ABHD17C: variants seen among roughly 807,000 people sequenced by gnomAD.
The protein encoded by ABHD17C is alpha/beta hydrolase domain-containing protein 17C.
In ABHD17C, 11 loss-of-function variants were observed where a neutral mutation model predicts 27.9. That is an observed-to-expected ratio of 0.39 (90% confidence interval 0.25 to 0.65). The LOEUF (loss-of-function observed/expected upper bound fraction) is 0.65. Ranked by LOEUF, ABHD17C falls within the 30% of genes least tolerant of loss-of-function variation. The probability of loss-of-function intolerance (pLI) is 0.45; values close to 1 mark genes in which losing one functional copy is unlikely to be tolerated. For synonymous variants in ABHD17C, 233 were observed against 209.1 expected (o/e 1.11, Z -0.98); for missense variants, 280 against 470.2 (o/e 0.60, Z 3.74).
intron 1 of ABHD17C, among the ~76,000 whole-genome samples, chr15:80,700,884 G>T (rs968488724): frequency 5.3e-5 from 8 of 152,160 alleles, no homozygotes; most frequent in African/African-American, 1.9e-4. Flanking sequence ...CTGGGCAACA[G>T]AGTGAGATCC....
chr15:80,745,142 G>A (rs1431873340), intron 1 of ABHD17C, among the ~76,000 whole-genome samples: 1 of 152,164 alleles, frequency 6.6e-6, no homozygotes, highest in African/African-American at 2.4e-5. Context: ...CACTTGTGGT[G>A]TGACATAGAC....
chr15:80,716,996 G>T (rs534811856), intron 1 of ABHD17C, among the ~76,000 whole-genome samples: 7 of 152,216 alleles, frequency 4.6e-5, no homozygotes, highest in African/African-American at 1.7e-4. Context: ...GCTTAAAGAT[G>T]AACAAATAGC....
chr15:80,735,197 A>C (rs1357452403), intron 1 of ABHD17C, among the ~76,000 whole-genome samples: 1 of 152,198 alleles, frequency 6.6e-6, no homozygotes, highest in Non-Finnish European at 1.5e-5. Flanking sequence ...ATTAACCCTG[A>C]GAGGTTAACC....
chr15:80,735,508 G>A (rs979877873), intron 1 of ABHD17C, among the ~76,000 whole-genome samples: 6 of 152,000 alleles, frequency 3.9e-5, no homozygotes, highest in Admixed American at 6.6e-5. Flanking sequence ...CCACCTTGTC[G>A]GATCTTGTGT....
intron 1 of ABHD17C, among the ~76,000 whole-genome samples, chr15:80,715,476 A>C (rs1444875390): frequency 6.6e-6 from 1 of 152,216 alleles, no homozygotes; most frequent in Non-Finnish European, 1.5e-5. Flanking sequence ...AATTGTGAAT[A>C]TAGTAGGATT....
At chr15:80,698,088 G>A (rs1193656309) in intron 1 of ABHD17C, among the ~76,000 whole-genome samples, 6 of 135,442 alleles carry the variant, frequency 4.4e-5, no homozygotes, top group Non-Finnish European at 7.6e-5. Flanking sequence ...TTTTTGAGAC[G>A]GAGTCTTGCT....
chr15:80,703,783 A>G (rs866406416), intron 1 of ABHD17C, among the ~76,000 whole-genome samples: 4 of 152,204 alleles, frequency 2.6e-5, no homozygotes, highest in Non-Finnish European at 5.9e-5. Context: ...AAGATTTTTT[A>G]TACATTTATA....
chr15:80,713,351 GTTC>G (rs1317020279), intron 1 of ABHD17C, among the ~76,000 whole-genome samples: 2 of 28,138 alleles, frequency 7.1e-5, no homozygotes, highest in African/African-American at 2.1e-4. Context: ...CTGAGGTCTT[GTTC>G]TTTTTTTTTT....
At chr15:80,708,050 A>G (rs1038218483) in intron 1 of ABHD17C, among the ~76,000 whole-genome samples, 3 of 152,126 alleles carry the variant, frequency 2.0e-5, no homozygotes, top group Non-Finnish European at 1.5e-5. Flanking sequence ...GGCCCCGGGC[A>G]CTGTCAGCGC....
intron 2 of ABHD17C, among the ~76,000 whole-genome samples, chr15:80,751,449 C>T (rs188771141): frequency 4.6e-5 from 7 of 152,202 alleles, no homozygotes; most frequent in Non-Finnish European, 8.8e-5. Flanking sequence ...GAATTAAGGT[C>T]GGTAATTAGA....
intron 1 of ABHD17C, among the ~76,000 whole-genome samples, chr15:80,709,504 A>G (rs529110983): frequency 4.1e-4 from 63 of 151,992 alleles, no homozygotes; most frequent in Non-Finnish European, 6.8e-4. Flanking sequence ...AAAAAAAACA[A>G]AAAAACACAC....
At chr15:80,737,599 A>G (rs1358142112) in intron 1 of ABHD17C, among the ~76,000 whole-genome samples, 1 of 152,234 alleles carries the variant, frequency 6.6e-6, no homozygotes, top group Admixed American at 6.5e-5. Context: ...AGTGTAGGGC[A>G]TGCCACGGTG....
chr15:80,732,622 C>G (rs182055393), intron 1 of ABHD17C, among the ~76,000 whole-genome samples: 135 of 152,094 alleles, frequency 8.9e-4, no homozygotes, highest in African/African-American at 3.2e-3. Context: ...GTAGGAAATA[C>G]AAGGAAAACA....
intron 1 of ABHD17C, among the ~76,000 whole-genome samples, chr15:80,717,504 A>G (rs1285976355): frequency 1.3e-5 from 2 of 151,162 alleles, no homozygotes; most frequent in African/African-American, 4.9e-5. Flanking sequence ...AGCGATTCTC[A>G]TGCCTCAGCC....
intron 1 of ABHD17C, among the ~76,000 whole-genome samples, chr15:80,731,710 T>C (rs924677351): frequency 2.0e-5 from 3 of 152,216 alleles, no homozygotes; most frequent in South Asian, 2.1e-4. Flanking sequence ...GATTTTACAA[T>C]AAAAGACAAA....
At chr15:80,749,251 T>A (rs1895333255) in intron 1 of ABHD17C, among the ~76,000 whole-genome samples, 1 of 152,206 alleles carries the variant, frequency 6.6e-6, no homozygotes. Flanking sequence ...TATATTTAAT[T>A]AGCCAGAAAA....
At chr15:80,719,139 A>G (rs1309071025) in intron 1 of ABHD17C, among the ~76,000 whole-genome samples, 1 of 152,234 alleles carries the variant, frequency 6.6e-6, no homozygotes, top group Non-Finnish European at 1.5e-5. Flanking sequence ...ATATATGCAG[A>G]CAATGTAACG....
rs891675581 is a variant in ABHD17C at position 80,713,088 on chromosome 15, T to C, written c.590+17069T>C. ...CTCTTATTACTACTTTGTAAGTCTT[T>C]TTTTTTTTTTAAGGAAAAATGTACA... On this transcript the variant is annotated intron_variant, in intron 1 of 2. Coordinates refer to ENST00000258884, the MANE Select transcript of ABHD17C (RefSeq NM_021214.2). Among the ~76,000 whole-genome samples the C allele has an allele frequency of 7.2e-5, 11 of 151,768 alleles. No individual in the cohort carries two copies. In the South Asian group the frequency reaches 2.1e-3, roughly 29 times the overall value.
intron 1 of ABHD17C, among the ~76,000 whole-genome samples, chr15:80,726,002 T>A (rs182495434): frequency 1.3e-3 from 205 of 152,296 alleles, no homozygotes; most frequent in African/African-American, 4.8e-3. Context: ...GAACAGAGAT[T>A]TACCCACATA....
Sources: allele counts gnomAD v4.1 joint callset (sites outside exome capture counted in the v4.1 genomes callset), GRCh38; gene constraint gnomAD v4.1.1; transcripts MANE v1.5; gene names NCBI Gene and HGNC (gene_info 2026-07-23, HGNC 2026-07-21).